The following SAMD12 variants were observed in gnomAD, a reference collection of about 807,000 sequenced individuals.
SAMD12 encodes sterile alpha motif domain containing 12.
SAMD12 carries 9 observed loss-of-function variants against 15.0 expected under a neutral mutation model. The observed-to-expected ratio is 0.60, with a 90% CI of 0.36 to 1.05. The LOEUF is 1.05. Among genes scored for constraint, SAMD12 ranks in the 50% least tolerant of loss-of-function variants. The pLI is 0.01. For missense variants in SAMD12, 230 were observed against 234.2 expected, an observed-to-expected ratio of 0.98 and a Z score of 0.12; for synonymous variants, 86 against 90.1, an observed-to-expected ratio of 0.96 and a Z score of 0.25.
At chr8:118,461,270 A>C (rs1344695737) in intron 2 of SAMD12, among the ~76,000 whole-genome samples, 1 of 152,248 alleles carries the variant, frequency 6.6e-6, no homozygotes. Flanking sequence ...GCCACATAGC[A>C]GTTGCTGATT....
chr8:118,168,679 C>G, the SAMD12 span, among the ~76,000 whole-genome samples: 2 of 152,146 alleles, frequency 1.3e-5, no homozygotes, highest in African/African-American at 4.8e-5. Context: ...GACAAGTTAT[C>G]CTTTTTTGCT....
intron 2 of SAMD12, among the ~76,000 whole-genome samples, chr8:118,499,306 A>C (rs16891112): frequency 0.056 from 8,560 of 152,252 alleles, 751 homozygotes; most frequent in African/African-American, 0.19. Flanking sequence ...CAGAAAGTTC[A>C]GTCTTCTACA....
At chr8:118,318,327 T>TATATATATATATATATAA (rs1563758923) in intron 4 of SAMD12, among the ~76,000 whole-genome samples, 1 of 35,056 alleles carries the variant, frequency 2.9e-5, no homozygotes, top group Non-Finnish European at 9.3e-5. Flanking sequence ...TATATATATA[T>TATATATATATATATATAA]ATATATATAT....
intron 4 of SAMD12, among the ~76,000 whole-genome samples, chr8:118,267,048 TTCTG>T (rs1470211829): frequency 1.3e-5 from 2 of 152,136 alleles, no homozygotes; most frequent in African/African-American, 4.8e-5. Flanking sequence ...GACTTAGCCA[TTCTG>T]TTTTATATAT....
chr8:118,518,679 C>T (rs1205333942), intron 2 of SAMD12, among the ~76,000 whole-genome samples: 1 of 152,146 alleles, frequency 6.6e-6, no homozygotes, highest in Non-Finnish European at 1.5e-5. Context: ...GCATAATACA[C>T]ACCTCGGAAT....
intron 1 of SAMD12, among the ~76,000 whole-genome samples, chr8:118,596,052 T>C (rs904761320): frequency 2.6e-5 from 4 of 152,216 alleles, no homozygotes; most frequent in Non-Finnish European, 5.9e-5. Flanking sequence ...GTCCCTTATG[T>C]ACTTGTGATA....
intron 2 of SAMD12, among the ~76,000 whole-genome samples, chr8:118,545,162 T>G (rs1397040612): frequency 6.6e-6 from 1 of 152,146 alleles, no homozygotes; most frequent in Non-Finnish European, 1.5e-5. Context: ...CATGCACACA[T>G]ATATTTTAAA....
At chr8:118,435,909 A>C (rs13263320) in intron 3 of SAMD12, among the ~76,000 whole-genome samples, 2 of 151,982 alleles carry the variant, frequency 1.3e-5, no homozygotes, top group African/African-American at 4.8e-5. Flanking sequence ...GATCAGGAAG[A>C]CTGAAATAAA....
rs1274992199 is a variant in SAMD12 at position 118,336,783 on chromosome 8, C to T, written c.433+42777G>A. 2.6e-5 allele frequency among the ~76,000 whole-genome samples: 4 copies of T among 152,174 alleles called. No homozygotes were observed. In the East Asian group the frequency reaches 7.7e-4, roughly 29 times the overall value. On this transcript the variant is annotated intron_variant, in intron 4 of 4. Transcript: ENST00000409003. ...AACTCAAATGTCCATCAATGATAGA[C>T]TGGATTAAGAAAATGTGGCACATAC...
At chr8:118,490,971 G>A (rs997286937) in intron 2 of SAMD12, among the ~76,000 whole-genome samples, 5 of 150,640 alleles carry the variant, frequency 3.3e-5, no homozygotes, top group Non-Finnish European at 7.4e-5. Context: ...ATGCTGGCAA[G>A]CAGCTCTGCT....
At chr8:118,460,103 T>A (rs1057501124) in intron 2 of SAMD12, among the ~76,000 whole-genome samples, 1 of 152,232 alleles carries the variant, frequency 6.6e-6, no homozygotes, top group Non-Finnish European at 1.5e-5. Context: ...TGGCCTCTGA[T>A]CTGTTCTGAA....
At chr8:118,404,244 A>G (rs1268002688) in intron 3 of SAMD12, among the ~76,000 whole-genome samples, 2 of 152,198 alleles carry the variant, frequency 1.3e-5, no homozygotes, top group African/African-American at 4.8e-5. Flanking sequence ...TTAGCCTCCC[A>G]AAGTGCTAGG....
At chr8:118,204,779 T>C (rs538133712) in intron 4 of SAMD12, among the ~76,000 whole-genome samples, 1 of 152,024 alleles carries the variant, frequency 6.6e-6, no homozygotes, top group South Asian at 2.1e-4. Context: ...GAAAAAAATA[T>C]AATAAAAGAA....
chr8:118,152,256 A>T, the SAMD12 span, among the ~76,000 whole-genome samples: 31 of 152,304 alleles, frequency 2.0e-4, no homozygotes, highest in African/African-American at 7.0e-4. Context: ...ATCTGACTAG[A>T]TTCTACATCC....
chr8:118,264,191 G>A (rs1813147586), intron 4 of SAMD12, among the ~76,000 whole-genome samples: 1 of 151,874 alleles, frequency 6.6e-6, no homozygotes, highest in African/African-American at 2.4e-5. Context: ...TTGTTGTATT[G>A]GCATCTTTAC....
At chr8:118,399,964 A>C (rs561528461) in intron 3 of SAMD12, among the ~76,000 whole-genome samples, 34 of 152,274 alleles carry the variant, frequency 2.2e-4, no homozygotes, top group African/African-American at 7.7e-4. Flanking sequence ...GGCCTCTGCA[A>C]TACATAATTA....
the SAMD12 span, among the ~76,000 whole-genome samples, chr8:118,156,698 G>C: frequency 2.2e-4 from 34 of 152,246 alleles, no homozygotes; most frequent in African/African-American, 7.9e-4. Flanking sequence ...CAAGGGCAAA[G>C]TTATCATATA....
At chr8:118,473,494 G>GT (rs1823864789) in intron 2 of SAMD12, among the ~76,000 whole-genome samples, 1 of 152,246 alleles carries the variant, frequency 6.6e-6, no homozygotes, top group African/African-American at 2.4e-5. Flanking sequence ...AATCACTGAT[G>GT]TTTTCACCAA....
At chr8:118,417,020 T>C (rs1821730918) in intron 3 of SAMD12, among the ~76,000 whole-genome samples, 1 of 152,190 alleles carries the variant, frequency 6.6e-6, no homozygotes, top group South Asian at 2.1e-4. Flanking sequence ...ACTAGGTTAA[T>C]GAAGAAATGT....
Sources: gnomAD v4.1 joint callset for allele counts (sites outside exome capture counted in the v4.1 genomes callset) on GRCh38, gnomAD v4.1.1 for gene constraint, MANE v1.5 for transcripts, NCBI Gene and HGNC (gene_info 2026-07-23, HGNC 2026-07-21) for gene names.